Variants in CC2D2A observed in about 807,000 individuals in gnomAD.
CC2D2A encodes coiled-coil and C2 domain-containing protein 2A.
A neutral mutation model predicts 212.9 loss-of-function variants in CC2D2A; 155 were observed. That is an observed-to-expected ratio of 0.73 (90% CI 0.64 to 0.83). CC2D2A has a LOEUF of 0.83. Ranked by LOEUF, CC2D2A falls within the 40% of genes least tolerant of loss-of-function variation. CC2D2A has a pLI of 0.00. For synonymous variants in CC2D2A, 667 were observed against 686.5 expected, an observed-to-expected ratio of 0.97 and a Z score of 0.44; for missense variants, 1,856 against 1,956.2, an observed-to-expected ratio of 0.95 and a Z score of 0.97.
intron 17 of CC2D2A, among the ~76,000 whole-genome samples, chr4:15,542,872 C>T (rs1034839178): frequency 2.0e-5 from 3 of 152,162 alleles, no homozygotes; most frequent in Admixed American, 6.5e-5. Context: ...TATCAAGCCC[C>T]GCCTAGATCT....
chr4:15,526,347 T>C (rs534583373), intron 11 of CC2D2A, among the ~76,000 whole-genome samples: 18 of 152,318 alleles, frequency 1.2e-4, no homozygotes, highest in African/African-American at 4.1e-4. Flanking sequence ...CAGAGATGTA[T>C]AGTGACTTGC....
intron 29 of CC2D2A, chr4:15,576,306 G>C: frequency 1.3e-6 from 1 of 763,508 alleles, no homozygotes; most frequent in South Asian, 6.0e-5. Flanking sequence ...GGAAAGAGAA[G>C]GTCTCATCCT....
chr4:15,540,675 C>T (rs1032566232), intron 16 of CC2D2A, among the ~76,000 whole-genome samples, 162 bp from the exon 17 acceptor site: 1 of 152,182 alleles, frequency 6.6e-6, no homozygotes, highest in Non-Finnish European at 1.5e-5. Flanking sequence ...AAATTCCATA[C>T]TACTCTGCAA....
intron 34 of CC2D2A, 130 bp from the exon 35 acceptor site, chr4:15,597,273 GTACA>G: frequency 1.4e-6 from 1 of 702,052 alleles, no homozygotes; most frequent in Admixed American, 2.6e-5. Flanking sequence ...TGGGTCATGG[GTACA>G]TCAGCATGCA....
chr4:15,578,286 A>G (rs1279798856), intron 29 of CC2D2A, among the ~76,000 whole-genome samples: 1 of 152,214 alleles, frequency 6.6e-6, no homozygotes, highest in African/African-American at 2.4e-5. Flanking sequence ...AGATATCTCC[A>G]TCCTAAATAA....
intron 30 of CC2D2A, among the ~76,000 whole-genome samples, chr4:15,583,616 T>G (rs1257191585): frequency 6.6e-6 from 1 of 152,142 alleles, no homozygotes; most frequent in African/African-American, 2.4e-5. Context: ...TACCTAGGGA[T>G]AAACTTAACC....
Position 15,538,056 on chromosome 4 carries a change from G to A in CC2D2A, c.1922G>A (p.Ser641Asn). ...GAGGTGAGGGAGAGAGCAGCCCAGAGCAGGAGGAGGCCTTGGGAGCCCACG... is the reference window on the plus strand; with the variant it reads ...GAGGTGAGGGAGAGAGCAGCCCAGAACAGGAGGAGGCCTTGGGAGCCCACG... ...EQEVRERAAQSRRRPWEPTLV... is the reference protein window; with the variant it reads ...EQEVRERAAQNRRRPWEPTLV... The change falls in exon 16 of 37, where the codon AGC becomes AAC. Residue 641 changes from serine (S) to asparagine (N), a missense_variant. By Grantham distance (46) the Ser-to-Asn change is conservative (BLOSUM62 1). Coordinates refer to ENST00000424120, the MANE Select transcript of CC2D2A (RefSeq NM_001378615.1). 11 of 1,608,032 alleles carry A rather than the reference G, an allele frequency of 6.8e-6. No homozygotes were observed. The highest frequency in any genetic ancestry group is 9.3e-6 in the Non-Finnish European group (11 of 1,177,422).
chr4:15,582,189 GA>G (rs1237155454), intron 30 of CC2D2A, among the ~76,000 whole-genome samples: 1 of 151,954 alleles, frequency 6.6e-6, no homozygotes, highest in Non-Finnish European at 1.5e-5. Context: ...GTTAAAATTA[GA>G]AATTAAACAG....
At chr4:15,548,054 A>G (rs914499118) in intron 17 of CC2D2A, among the ~76,000 whole-genome samples, 1 of 152,140 alleles carries the variant, frequency 6.6e-6, no homozygotes, top group Non-Finnish European at 1.5e-5. Flanking sequence ...AAAATAAAAA[A>G]TAAAAATAAA....
chr4:15,591,296 C>T (rs994162611), intron 33 of CC2D2A, among the ~76,000 whole-genome samples: 10 of 149,666 alleles, frequency 6.7e-5, no homozygotes, highest in South Asian at 2.1e-4. Context: ...CTCGGCTCAA[C>T]GCAACCTCCG....
At chr4:15,572,223 C>T (rs1009008481) in intron 28 of CC2D2A, among the ~76,000 whole-genome samples, 4 of 152,100 alleles carry the variant, frequency 2.6e-5, no homozygotes, top group African/African-American at 9.7e-5. Flanking sequence ...CATTGTCATC[C>T]TCATTTTATA....
At chr4:15,548,720 C>A (rs2109047629) in intron 17 of CC2D2A, among the ~76,000 whole-genome samples, 1 of 152,270 alleles carries the variant, frequency 6.6e-6, no homozygotes, top group East Asian at 1.9e-4. Context: ...ACTACATGTT[C>A]TTTAAGCTGT....
chr4:15,559,666 C>T (rs186315650), intron 22 of CC2D2A, among the ~76,000 whole-genome samples: 1 of 116,896 alleles, frequency 8.6e-6, no homozygotes, highest in East Asian at 2.0e-4. Flanking sequence ...TTTCGTTTGT[C>T]CTTTTTCCTT....
At chr4:15,489,187 A>G (rs932973889) in intron 4 of CC2D2A, among the ~76,000 whole-genome samples, 1 of 152,226 alleles carries the variant, frequency 6.6e-6, no homozygotes, top group Non-Finnish European at 1.5e-5. Flanking sequence ...CGAGTGAAAT[A>G]TGATGCAAAT....
intron 21 of CC2D2A, 81 bp downstream of exon 21, chr4:15,557,588 G>T (rs1274930635): frequency 5.5e-6 from 5 of 915,856 alleles, no homozygotes; most frequent in East Asian, 5.7e-5. Flanking sequence ...TATGTATTTT[G>T]TTTTTGTTAT....
chr4:15,564,836 C>T (rs9998617), intron 24 of CC2D2A, among the ~76,000 whole-genome samples: 1,867 of 152,096 alleles, frequency 0.012, 47 homozygotes, highest in African/African-American at 0.043. Context: ...CCCCACCACG[C>T]GAGGCTAATT....
chr4:15,506,734 C>A (rs1474364565), intron 6 of CC2D2A, among the ~76,000 whole-genome samples: 1 of 152,120 alleles, frequency 6.6e-6, no homozygotes, highest in Non-Finnish European at 1.5e-5. Context: ...CTTAAAAAGC[C>A]TTACTGACCA....
At chr4:15,591,050 T>C (rs1193504449) in intron 33 of CC2D2A, among the ~76,000 whole-genome samples, 2 of 151,756 alleles carry the variant, frequency 1.3e-5, no homozygotes, top group African/African-American at 4.8e-5. Context: ...ATTGTTTTTA[T>C]GTGCTTCTGT....
In CC2D2A at chr4:15,536,085, G is replaced by A. The variant is rs183325546; in HGVS notation, c.1608-835G>A. On this transcript the variant is annotated intron_variant, in intron 14 of 36. Coordinates refer to ENST00000424120, the MANE Select transcript of CC2D2A (RefSeq NM_001378615.1). ...TCCTACAGAACACACTGTGGGAAAC[G>A]GTGGTTTGAACTGGGCTGATCTCCT... 1.4e-3 allele frequency among the ~76,000 whole-genome samples: 218 copies of A among 152,258 alleles called. 1 individual carries two copies. Among genetic ancestry groups the A allele is most frequent in the Non-Finnish European group, 2.7e-3 (183 of 68,004 alleles).
Sources: gnomAD v4.1 joint callset for allele counts (sites outside exome capture counted in the v4.1 genomes callset) on GRCh38, gnomAD v4.1.1 for gene constraint, MANE v1.5 for transcripts, NCBI Gene and HGNC (gene_info 2026-07-23, HGNC 2026-07-21) for gene names.